The following EPM2A variants were observed in gnomAD, a reference collection of about 807,000 sequenced individuals.
The protein encoded by EPM2A is EPM2A glucan phosphatase, laforin.
Under a neutral mutation model 26.5 loss-of-function variants are expected in EPM2A, and 21 were observed. The ratio of observed to expected loss-of-function variants is 0.79; its 90% CI spans 0.56 to 1.14. EPM2A has a LOEUF of 1.14. Among genes scored for constraint, EPM2A ranks in the 50% most tolerant of loss-of-function variants. EPM2A has a pLI of 0.00. For synonymous variants in EPM2A, 217 were observed against 177.6 expected, an observed-to-expected ratio of 1.22 and a Z score of -1.76; for missense variants, 458 against 440.8, an observed-to-expected ratio of 1.04 and a Z score of -0.35.
intron 2 of EPM2A, among the ~76,000 whole-genome samples, chr6:145,541,369 G>C (rs894189282): frequency 6.6e-6 from 1 of 150,856 alleles, no homozygotes; most frequent in Non-Finnish European, 1.5e-5. Context: ...TATGATCGGT[G>C]TTCTATATTG....
At chr6:145,518,491 C>T (rs1267892051) in intron 2 of EPM2A, among the ~76,000 whole-genome samples, 1 of 149,162 alleles carries the variant, frequency 6.7e-6, no homozygotes, top group African/African-American at 2.5e-5. Context: ...TCTGTAATTA[C>T]TTTCAGCTCT....
intron 2 of EPM2A, among the ~76,000 whole-genome samples, chr6:145,581,582 C>A (rs570214856): frequency 1.3e-5 from 2 of 152,148 alleles, no homozygotes; most frequent in South Asian, 2.1e-4. Context: ...GTCCTATGTC[C>A]AAAATGGTAT....
At chr6:145,713,720 C>A (rs113641951) in intron 1 of EPM2A, among the ~76,000 whole-genome samples, 1 of 152,174 alleles carries the variant, frequency 6.6e-6, no homozygotes, top group Non-Finnish European at 1.5e-5. Context: ...TGGGTACACA[C>A]CAGTTCCACT....
At chr6:145,682,662 G>C (rs1161867183) in intron 2 of EPM2A, 1 of 152,120 alleles carries the variant, frequency 6.6e-6, no homozygotes, top group East Asian at 1.9e-4. Flanking sequence ...AAGATGGGCT[G>C]CACAGAGTAA....
rs561937174 is a variant in EPM2A, at chr6:145,627,045, G to A, written c.*371C>T. The stretch of plus-strand genomic sequence containing the variant: ...TAACTCCATATCTTTTCCTCTACAT[G>A]GCCAAGAGTTTCAGTGCAACAGGAA... On this transcript the variant is annotated 3_prime_UTR_variant, in exon 4 of 4. Coordinates refer to ENST00000367519, the MANE Select transcript of EPM2A (RefSeq NM_005670.4). The A allele has an allele frequency of 9.5e-6, 11 of 1,162,570 alleles. No individual in the cohort carries two copies. The East Asian group carries it at 4.8e-4, about 50-fold the overall frequency. The allele number at this position is 1,162,570 out of a possible 1,614,324, so 72.0% of individuals were successfully genotyped here.
intron 2 of EPM2A, among the ~76,000 whole-genome samples, chr6:145,648,265 G>C (rs942938476): frequency 1.3e-5 from 2 of 152,180 alleles, no homozygotes; most frequent in South Asian, 2.1e-4. Context: ...ATAAAAGGTA[G>C]AGACCAGCCT....
chr6:145,416,251 GCT>G (rs1778706426), intron 4 of EPM2A, among the ~76,000 whole-genome samples: 1 of 67,772 alleles, frequency 1.5e-5, no homozygotes, highest in Non-Finnish European at 3.9e-5. Flanking sequence ...AAACAGGCAG[GCT>G]TTTTTTTTTT....
chr6:145,444,560 C>G (rs1006649392), intron 4 of EPM2A, among the ~76,000 whole-genome samples: 10 of 152,150 alleles, frequency 6.6e-5, no homozygotes, highest in African/African-American at 2.4e-4. Flanking sequence ...TGTTGTGTCT[C>G]TGTCAGTTTT....
chr6:145,566,593 G>A (rs189945533), intron 2 of EPM2A, among the ~76,000 whole-genome samples: 18 of 152,296 alleles, frequency 1.2e-4, no homozygotes, highest in Admixed American at 9.8e-4. Flanking sequence ...AACCAGTGAA[G>A]GTTATTGAAG....
chr6:145,547,305 C>T (rs1780595262), intron 2 of EPM2A, among the ~76,000 whole-genome samples: 1 of 152,048 alleles, frequency 6.6e-6, no homozygotes, highest in Non-Finnish European at 1.5e-5. Context: ...TTTTCTAGTC[C>T]CTCTACACTA....
At chr6:145,586,176 TG>T (rs1781193578) in intron 2 of EPM2A, among the ~76,000 whole-genome samples, 1 of 152,234 alleles carries the variant, frequency 6.6e-6, no homozygotes. Context: ...CAGTAGTCAA[TG>T]GGCTCAAGTC....
At chr6:145,466,794 C>T (rs1228589336) in intron 4 of EPM2A, among the ~76,000 whole-genome samples, 1 of 152,128 alleles carries the variant, frequency 6.6e-6, no homozygotes, top group Non-Finnish European at 1.5e-5. Flanking sequence ...ATATATACAC[C>T]ATGGAATACT....
chr6:145,397,326 G>A (rs1056423393), intron 4 of EPM2A, among the ~76,000 whole-genome samples: 23 of 152,030 alleles, frequency 1.5e-4, no homozygotes, highest in African/African-American at 5.3e-4. Flanking sequence ...CTGTAGTCTC[G>A]GTTACTTGGG....
chr6:145,495,234 T>C lies in EPM2A; in HGVS notation c.555+7288A>G, dbSNP rs145504046. Among the ~76,000 whole-genome samples, 727 of 152,308 alleles carry C rather than the reference T, an allele frequency of 4.8e-3. 24 individuals carry two copies. The East Asian group carries it at 0.087, about 18-fold the overall frequency. On this transcript the variant is annotated intron_variant, in intron 4 of 4. Coordinates refer to the EPM2A transcript ENST00000638717. ...TGCTGAATTGAACCCTTTACCATTA[T>C]GTAATGCCCTTCTTTTTTATAATCT...
In EPM2A at chr6:145,712,236, A is replaced by G. The variant is rs1169237273; in HGVS notation, c.301+22962T>C. ...AACAGACCATCCACATCAATTTACA[A>G]ATAAAAATTCTTCTTGATAGGAAGA... On this transcript the variant is annotated intron_variant, in intron 1 of 3. Transcript: ENST00000367519. 2.0e-5 allele frequency among the ~76,000 whole-genome samples: 3 copies of G among 152,136 alleles called. No homozygotes were observed. The East Asian group carries it at 5.8e-4, about 29-fold the overall frequency.
chr6:145,543,744 T>G (rs1780546151), intron 2 of EPM2A, among the ~76,000 whole-genome samples: 1 of 152,188 alleles, frequency 6.6e-6, no homozygotes, highest in Admixed American at 6.5e-5. Flanking sequence ...TTGTAGATTT[T>G]CCAGACCACT....
chr6:145,546,857 G>A (rs1324758144), intron 2 of EPM2A, among the ~76,000 whole-genome samples: 2 of 151,810 alleles, frequency 1.3e-5, no homozygotes, highest in Non-Finnish European at 2.9e-5. Flanking sequence ...ATACTTCTTT[G>A]TATACTAAAA....
intron 4 of EPM2A, among the ~76,000 whole-genome samples, chr6:145,451,628 C>T (rs1051647180): frequency 2.6e-5 from 4 of 151,930 alleles, no homozygotes; most frequent in East Asian, 1.9e-4. Context: ...TCTATAAAGC[C>T]GGACATTAAA....
intron 2 of EPM2A, among the ~76,000 whole-genome samples, chr6:145,664,614 A>G (rs1257210471): frequency 1.3e-5 from 2 of 151,742 alleles, no homozygotes; most frequent in East Asian, 3.9e-4. Context: ...CGAGACAGAA[A>G]GTCAACAAGG....
Sources: allele counts gnomAD v4.1 joint callset (sites outside exome capture counted in the v4.1 genomes callset), GRCh38; gene constraint gnomAD v4.1.1; transcripts MANE v1.5; gene names NCBI Gene and HGNC (gene_info 2026-07-23, HGNC 2026-07-21).